The following ANTXR1 variants were observed in gnomAD, a reference collection of about 807,000 sequenced individuals.
ANTXR1 encodes the protein anthrax toxin receptor 1.
A neutral mutation model predicts 78.1 loss-of-function variants in ANTXR1; 19 were observed. That is an observed-to-expected ratio of 0.24 (90% CI 0.17 to 0.36). ANTXR1 has a LOEUF of 0.36. ANTXR1 is among the 10% of genes least tolerant of loss of function. ANTXR1 has a pLI of 1.00. For synonymous variants in ANTXR1, 273 were observed against 260.5 expected (o/e 1.05, Z -0.46); for missense variants, 518 against 718.6 (o/e 0.72, Z 3.19).
intron 16 of ANTXR1, among the ~76,000 whole-genome samples, chr2:69,191,178 A>C (rs558025751): frequency 1.7e-4 from 26 of 152,362 alleles, no homozygotes; most frequent in Non-Finnish European, 3.1e-4. Flanking sequence ...AAATCATTTC[A>C]AAATATTTTT....
chr2:69,207,983 C>G (rs902477168), intron 17 of ANTXR1, among the ~76,000 whole-genome samples: 5 of 152,018 alleles, frequency 3.3e-5, no homozygotes, highest in African/African-American at 1.2e-4. Context: ...ATGGTTAAAG[C>G]AAAGACATTC....
intron 8 of ANTXR1, among the ~76,000 whole-genome samples, chr2:69,089,130 G>T (rs961518670): frequency 6.6e-6 from 1 of 152,132 alleles, no homozygotes; most frequent in Non-Finnish European, 1.5e-5. Context: ...ACAAATAGGG[G>T]AATCAAAGTA....
chr2:69,018,197 A>G (rs748869773), intron 1 of ANTXR1, among the ~76,000 whole-genome samples: 2 of 152,122 alleles, frequency 1.3e-5, no homozygotes, highest in Non-Finnish European at 2.9e-5. Context: ...TTATATGTCT[A>G]AAGGCCCCCC....
chr2:69,030,801 G>C (rs1671508038), intron 1 of ANTXR1, among the ~76,000 whole-genome samples: 1 of 151,838 alleles, frequency 6.6e-6, no homozygotes, highest in Non-Finnish European at 1.5e-5. Flanking sequence ...TAAATAACAG[G>C]AAATGAATAG....
rs2104538862 is a variant in ANTXR1, at chr2:69,247,335, G to A, written c.*1850G>A. The A allele has an allele frequency of 1.3e-5, 2 of 152,626 alleles. No individual in the cohort carries two copies. The highest frequency in any genetic ancestry group is 4.1e-4 in the South Asian group (2 of 4,822). The allele number at this position is 152,626 out of a possible 1,614,324, so 9.5% of individuals were successfully genotyped here. On this transcript the variant is annotated 3_prime_UTR_variant, in exon 18 of 18. Coordinates refer to ENST00000303714, the MANE Select transcript of ANTXR1 (RefSeq NM_032208.3). ...GTACAGTCAGGGGAAAATAGATCTA[G>A]GCAGAGTGCCTTAGTCAGGGACCAC... is the stretch of plus-strand genomic sequence containing the variant.
chr2:69,072,937 C>T lies in ANTXR1; in HGVS notation c.413-85C>T, dbSNP rs753048523. 1.0e-5 allele frequency: 14 copies of T among 1,355,840 alleles called. No homozygotes were observed. The South Asian group carries it at 1.4e-4, about 14-fold the overall frequency. 84.0% of individuals were successfully genotyped at this position (1,355,840 alleles called of 1,614,324 possible). A position where few individuals can be genotyped will look rare whatever the true frequency, so the allele number is the denominator to read the frequency against. Reference sequence around the variant, plus strand: ...AATATTGACTTTGGGTGGTTGAACTCGTAAGAGGTTGAATCCTGGGACTGA... The same window carrying T: ...AATATTGACTTTGGGTGGTTGAACTTGTAAGAGGTTGAATCCTGGGACTGA... On this transcript the variant is annotated intron_variant, in intron 5 of 17. Coordinates refer to ENST00000303714, the MANE Select transcript of ANTXR1 (RefSeq NM_032208.3).
At chr2:69,028,312 A>G (rs1180754426) in intron 1 of ANTXR1, among the ~76,000 whole-genome samples, 1 of 152,216 alleles carries the variant, frequency 6.6e-6, no homozygotes, top group African/African-American at 2.4e-5. Context: ...GACAATCTTT[A>G]AAAGACAAAA....
At chr2:69,109,608 T>C (rs1013288914) in intron 10 of ANTXR1, among the ~76,000 whole-genome samples, 2 of 148,862 alleles carry the variant, frequency 1.3e-5, no homozygotes, top group African/African-American at 4.9e-5. Context: ...AAGAGTGGGT[T>C]ATTCAAAAAA....
At chr2:69,069,842 C>T (rs947319162) in intron 3 of ANTXR1, among the ~76,000 whole-genome samples, 1 of 152,030 alleles carries the variant, frequency 6.6e-6, no homozygotes, top group Non-Finnish European at 1.5e-5. Flanking sequence ...CTAAAAAGAC[C>T]CCAGCAGGAG....
chr2:69,103,406 A>T, intron 10 of ANTXR1: 1 of 211,714 alleles, frequency 4.7e-6, no homozygotes, highest in Non-Finnish European at 9.6e-6. Context: ...TAAATGCATT[A>T]ATCTTGAATA....
chr2:69,232,499 A>C (rs1041872622), intron 17 of ANTXR1, among the ~76,000 whole-genome samples: 1 of 134,692 alleles, frequency 7.4e-6, no homozygotes, highest in Non-Finnish European at 1.6e-5. Context: ...GCTTGTCTCC[A>C]AAAAAAAAAA....
intron 16 of ANTXR1, among the ~76,000 whole-genome samples, chr2:69,190,063 C>G (rs1207772560): frequency 6.6e-6 from 1 of 151,920 alleles, no homozygotes; most frequent in Non-Finnish European, 1.5e-5. Context: ...AATAGAGGTG[C>G]CAAATGAAGG....
intron 10 of ANTXR1, among the ~76,000 whole-genome samples, chr2:69,104,208 G>C (rs7592451): frequency 0.28 from 43,181 of 152,100 alleles, 9,756 homozygotes; most frequent in African/African-American, 0.63. Context: ...CAAAGTGCTG[G>C]GATTACAGGT....
intron 17 of ANTXR1, among the ~76,000 whole-genome samples, chr2:69,231,079 T>A (rs1248254184): frequency 6.6e-6 from 1 of 152,264 alleles, no homozygotes; most frequent in Non-Finnish European, 1.5e-5. Context: ...GTTCCTGCTT[T>A]AGTTTGCTAA....
intron 3 of ANTXR1, among the ~76,000 whole-genome samples, chr2:69,052,119 T>C (rs1302944666): frequency 6.6e-6 from 1 of 152,144 alleles, no homozygotes; most frequent in Non-Finnish European, 1.5e-5. Context: ...TTAAGAAATA[T>C]TTGCATTGTA....
chr2:69,185,990 C>T (rs933367904), intron 16 of ANTXR1, among the ~76,000 whole-genome samples: 7 of 152,184 alleles, frequency 4.6e-5, no homozygotes, highest in Admixed American at 1.3e-4. Flanking sequence ...TGTGATTACT[C>T]ATGTTTATGA....
chr2:69,245,229 G>T lies in ANTXR1; in HGVS notation c.1439G>T (p.Arg480Leu). Residue 480 changes from arginine to leucine, a missense_variant, in exon 18 of 18, where the codon CGC becomes CTC. By Grantham distance (102) the Arg-to-Leu change is moderately radical (BLOSUM62 -2). This residue lies in a region of ANTXR1 where 192 missense variants were observed against 230.2 expected (regional missense o/e 0.83). Transcript: ENST00000303714. ...VMRPQPGDTG[R>L]CINFTRVKNN... ...TTCTCTCCAATTCTTTTCTAGGGGC[G>T]CTGCATCAACTTCACCAGGGTCAAG... 1 of 1,613,914 alleles carries T rather than the reference G, an allele frequency of 6.2e-7. No homozygotes were observed. The highest frequency in any genetic ancestry group is 8.5e-7 in the Non-Finnish European group (1 of 1,179,986).
intron 3 of ANTXR1, among the ~76,000 whole-genome samples, chr2:69,062,275 A>C (rs1189242374): frequency 6.6e-6 from 1 of 152,220 alleles, no homozygotes; most frequent in Non-Finnish European, 1.5e-5. Flanking sequence ...GCATTTTTCC[A>C]AGAAAGCAGC....
rs115856446 is a variant in ANTXR1 at position 69,159,206 on chromosome 2, G to T, written c.1047+6942G>T. ...TTTCTTAAATAAAATCCTAGAAATAGGCCCATTTTATTGAGAGGTTAATGG... is the reference window on the plus strand; with the variant it reads ...TTTCTTAAATAAAATCCTAGAAATATGCCCATTTTATTGAGAGGTTAATGG... On this transcript the variant is annotated intron_variant, in intron 13 of 17. Transcript: ENST00000303714. Among the ~76,000 whole-genome samples, 494 of 152,112 alleles carry T rather than the reference G, an allele frequency of 3.2e-3. 4 individuals are homozygous for T. Among genetic ancestry groups the T allele is most frequent in the African/African-American group, 0.012 (479 of 41,484 alleles).
Sources: allele counts gnomAD v4.1 joint callset (sites outside exome capture counted in the v4.1 genomes callset), GRCh38; gene constraint gnomAD v4.1.1; regional missense constraint gnomAD v4.1.1; transcripts MANE v1.5; gene names NCBI Gene and HGNC (gene_info 2026-07-23, HGNC 2026-07-21).